Variants in SKAP1 observed in about 807,000 individuals in gnomAD.
SKAP1 encodes the protein src kinase associated phosphoprotein 1.
A neutral mutation model predicts 58.5 loss-of-function variants in SKAP1; 44 were observed. That is an observed-to-expected ratio of 0.75 (90% CI 0.59 to 0.97). The LOEUF (loss-of-function observed/expected upper bound fraction) is 0.97. Ranked by LOEUF, SKAP1 falls within the 50% of genes least tolerant of loss-of-function variation. The pLI, the probability that SKAP1 is intolerant of heterozygous loss-of-function variation, is 0.00. For synonymous variants in SKAP1, 127 were observed against 149.7 expected (o/e 0.85, Z 1.11); for missense variants, 390 against 435.2 (o/e 0.90, Z 0.92).
At chr17:48,376,289 T>A (rs2067149692) in intron 2 of SKAP1, among the ~76,000 whole-genome samples, 1 of 151,994 alleles carries the variant, frequency 6.6e-6, no homozygotes, top group South Asian at 2.1e-4. Flanking sequence ...CTTAAAATCA[T>A]TTACTCTAGC....
intron 4 of SKAP1, among the ~76,000 whole-genome samples, chr17:48,297,827 T>G (rs1254183181): frequency 6.6e-6 from 1 of 152,200 alleles, no homozygotes; most frequent in Non-Finnish European, 1.5e-5. Context: ...ATTGAAGGTA[T>G]AAAAACAGGG....
intron 9 of SKAP1, among the ~76,000 whole-genome samples, chr17:48,175,364 G>A (rs1343909997): frequency 6.6e-6 from 1 of 152,198 alleles, no homozygotes; most frequent in Non-Finnish European, 1.5e-5. Flanking sequence ...TAGACTCAAG[G>A]TGCAAAGGGG....
intron 4 of SKAP1, among the ~76,000 whole-genome samples, chr17:48,320,680 G>C (rs527314613): frequency 6.6e-6 from 1 of 152,240 alleles, no homozygotes; most frequent in South Asian, 2.1e-4. Context: ...TTTGGGAGCC[G>C]AGGCAGAAGG....
intron 11 of SKAP1, among the ~76,000 whole-genome samples, chr17:48,137,714 A>G (rs1176827460): frequency 3.3e-5 from 5 of 152,212 alleles, no homozygotes; most frequent in African/African-American, 9.6e-5. Context: ...AATATTTATC[A>G]AGCATCTTCT....
At chr17:48,365,118 TG>T (rs3052759) in intron 2 of SKAP1, among the ~76,000 whole-genome samples, 25,652 of 149,852 alleles carry the variant, frequency 0.17, 2,155 homozygotes, top group Non-Finnish European at 0.19. Flanking sequence ...ACTGTTTTTT[TG>T]TTTTTGTTTT....
intron 4 of SKAP1, among the ~76,000 whole-genome samples, chr17:48,312,795 T>C (rs377252795): frequency 6.6e-6 from 1 of 152,202 alleles, no homozygotes; most frequent in East Asian, 1.9e-4. Flanking sequence ...CTTAAACTTA[T>C]AACGTTTTAT....
intron 4 of SKAP1, among the ~76,000 whole-genome samples, chr17:48,279,403 G>A (rs1003041927): frequency 2.0e-5 from 3 of 152,146 alleles, no homozygotes; most frequent in African/African-American, 7.2e-5. Context: ...GTCACTAAGT[G>A]ACTTTTTAGT....
At chr17:48,339,384 A>G (rs2066616843) in intron 4 of SKAP1, among the ~76,000 whole-genome samples, 1 of 152,230 alleles carries the variant, frequency 6.6e-6, no homozygotes, top group African/African-American at 2.4e-5. Context: ...CATTATCTTC[A>G]TATCATAGAA....
At chr17:48,173,879 G>A (rs774615204) in intron 9 of SKAP1, among the ~76,000 whole-genome samples, 9 of 152,092 alleles carry the variant, frequency 5.9e-5, no homozygotes, top group Non-Finnish European at 1.2e-4. Context: ...TGTAAAACTC[G>A]GCCACTGACG....
At chr17:48,392,784 T>C (rs1385425300) in intron 2 of SKAP1, among the ~76,000 whole-genome samples, 1 of 151,790 alleles carries the variant, frequency 6.6e-6, no homozygotes, top group Non-Finnish European at 1.5e-5. Context: ...CGCCAGAACC[T>C]GGGAGGTGGA....
At chr17:48,298,310 C>T (rs1003273722) in intron 4 of SKAP1, among the ~76,000 whole-genome samples, 3 of 152,138 alleles carry the variant, frequency 2.0e-5, no homozygotes, top group Admixed American at 6.6e-5. Context: ...TCAGAAGCTG[C>T]GGGCAAAGCA....
At chr17:48,277,348 C>A (rs894395670) in intron 4 of SKAP1, among the ~76,000 whole-genome samples, 2 of 152,200 alleles carry the variant, frequency 1.3e-5, no homozygotes, top group African/African-American at 4.8e-5. Context: ...AGCCACAAAA[C>A]CTCAAACTAA....
At chr17:48,144,440 C>T (rs2143064100) in intron 11 of SKAP1, among the ~76,000 whole-genome samples, 1 of 152,248 alleles carries the variant, frequency 6.6e-6, no homozygotes, top group Admixed American at 6.5e-5. Context: ...GAGAAAAATG[C>T]AAATGAGATC....
intron 2 of SKAP1, among the ~76,000 whole-genome samples, chr17:48,376,698 AATT>A (rs1164890344): frequency 6.6e-6 from 1 of 152,190 alleles, no homozygotes; most frequent in Non-Finnish European, 1.5e-5. Context: ...GAGATGAATA[AATT>A]TCCACTATTT....
At chr17:48,371,654 C>CAAGAA (rs2067087166) in intron 2 of SKAP1, among the ~76,000 whole-genome samples, 1 of 37,892 alleles carries the variant, frequency 2.6e-5, no homozygotes, top group Non-Finnish European at 4.1e-5. Flanking sequence ...CTTGTCTCCA[C>CAAGAA]AAAAAAAAAA....
At chr17:48,173,002 C>T (rs778711682) in intron 9 of SKAP1, among the ~76,000 whole-genome samples, 2 of 151,924 alleles carry the variant, frequency 1.3e-5, no homozygotes, top group African/African-American at 4.8e-5. Flanking sequence ...AGAGCAAGAC[C>T]CTGTCTCTAT....
intron 4 of SKAP1, among the ~76,000 whole-genome samples, chr17:48,324,574 T>C (rs950297736): frequency 1.3e-5 from 2 of 152,074 alleles, no homozygotes; most frequent in African/African-American, 2.4e-5. Flanking sequence ...CACTTAACAA[T>C]TAACATCTTT....
chr17:48,180,208 C>T lies in SKAP1; in HGVS notation c.672G>A (p.Glu224=). Residue 224 remains glutamate (E), a synonymous_variant, in exon 9 of 13, where the codon GAG becomes GAA. Coordinates refer to ENST00000336915, the MANE Select transcript of SKAP1 (RefSeq NM_003726.4). ...SLTIPYEEDE[E]EEEKEETYDD... The stretch of plus-strand genomic sequence containing the variant: ...CATATGTCTCTTCTTTTTCTTCTTC[C>T]TCCTCATCCTCTTCATATGGAATGG... 4.4e-6 allele frequency: 7 copies of T among 1,607,454 alleles called. No homozygotes were observed. The highest frequency in any genetic ancestry group is 4.3e-6 in the Non-Finnish European group (5 of 1,176,438).
chr17:48,434,172 G>A (rs1333639636), upstream of SKAP1, among the ~76,000 whole-genome samples: 1 of 152,164 alleles, frequency 6.6e-6, no homozygotes, highest in Non-Finnish European at 1.5e-5. Flanking sequence ...CATCAACCGG[G>A]TTTATTGACT....
Sources: allele counts gnomAD v4.1 joint callset (sites outside exome capture counted in the v4.1 genomes callset), GRCh38; gene constraint gnomAD v4.1.1; transcripts MANE v1.5; gene names NCBI Gene and HGNC (gene_info 2026-07-23, HGNC 2026-07-21).